ANO3: variants seen among roughly 807,000 people sequenced by gnomAD.
ANO3 encodes the protein anoctamin-3.
A neutral mutation model predicts 144.8 loss-of-function variants in ANO3; 99 were observed. The ratio of observed to expected loss-of-function variants is 0.68; its 90% CI spans 0.58 to 0.81. ANO3 has a LOEUF of 0.81. Among genes scored for constraint, ANO3 ranks in the 30% least tolerant of loss-of-function variants. ANO3 has a pLI of 0.00. For missense variants in ANO3, 905 were observed against 1,202.2 expected (o/e 0.75, Z 3.66); for synonymous variants, 414 against 392.6 (o/e 1.05, Z -0.64).
At chr11:26,247,253 A>G (rs1280979552) in intron 1 of ANO3, among the ~76,000 whole-genome samples, 4 of 152,144 alleles carry the variant, frequency 2.6e-5, no homozygotes, top group African/African-American at 2.4e-5. Context: ...TATTTTTTAT[A>G]TACTGTATTA....
intron 17 of ANO3, among the ~76,000 whole-genome samples, chr11:26,616,161 CATTG>C: frequency 6.6e-6 from 1 of 151,974 alleles, no homozygotes; most frequent in East Asian, 1.9e-4. Flanking sequence ...AAAATCAGTA[CATTG>C]ATATTATAAA....
intron 4 of ANO3, among the ~76,000 whole-genome samples, chr11:26,465,535 T>C (rs1228713966): frequency 1.3e-5 from 2 of 151,834 alleles, no homozygotes; most frequent in Non-Finnish European, 2.9e-5. Context: ...AAGTAACTCC[T>C]AATACAAACT....
At chr11:26,220,405 G>T (rs1852118630) in intron 1 of ANO3, among the ~76,000 whole-genome samples, 1 of 152,152 alleles carries the variant, frequency 6.6e-6, no homozygotes, top group Non-Finnish European at 1.5e-5. Flanking sequence ...CACTCACGAG[G>T]CCTTACTGTC....
At chr11:26,604,721 T>G (rs112690723) in intron 17 of ANO3, among the ~76,000 whole-genome samples, 485 of 152,184 alleles carry the variant, frequency 3.2e-3, no homozygotes, top group African/African-American at 0.011. Flanking sequence ...GCTTGTCTAT[T>G]GATGGTATGT....
chr11:26,575,785 C>A (rs1316774593), intron 14 of ANO3, among the ~76,000 whole-genome samples: 3 of 152,176 alleles, frequency 2.0e-5, no homozygotes, highest in African/African-American at 7.2e-5. Flanking sequence ...GCTAATAGTA[C>A]TTGAAGCTGT....
At chr11:26,260,029 A>C in intron 1 of ANO3, among the ~76,000 whole-genome samples, 1 of 148,362 alleles carries the variant, frequency 6.7e-6, no homozygotes. Flanking sequence ...CCATGAAGGG[A>C]TTTAAAATTT....
chr11:26,614,648 G>A (rs774747354), intron 17 of ANO3, among the ~76,000 whole-genome samples: 8 of 152,162 alleles, frequency 5.3e-5, no homozygotes, highest in Non-Finnish European at 7.3e-5. Context: ...GGGATTAGGG[G>A]CTGTCCTGTA....
chr11:26,272,149 G>A (rs1373879423), intron 1 of ANO3, among the ~76,000 whole-genome samples: 1 of 151,752 alleles, frequency 6.6e-6, no homozygotes, highest in African/African-American at 2.4e-5. Flanking sequence ...TTCTTGCATC[G>A]CTTTCATCAT....
At chr11:26,555,125 T>C (rs1007081735) in intron 13 of ANO3, among the ~76,000 whole-genome samples, 2 of 152,206 alleles carry the variant, frequency 1.3e-5, no homozygotes, top group African/African-American at 4.8e-5. Flanking sequence ...CGTTTATACT[T>C]TAATTTCAGA....
At chr11:26,246,578 T>C (rs1362563697) in intron 1 of ANO3, among the ~76,000 whole-genome samples, 55 of 149,584 alleles carry the variant, frequency 3.7e-4, no homozygotes, top group African/African-American at 1.3e-3. Context: ...TTTTGAATTT[T>C]TCATAATAAT....
chr11:26,485,304 G>A (rs7118652), intron 4 of ANO3, among the ~76,000 whole-genome samples: 148,212 of 152,168 alleles, frequency 0.97, 72,279 homozygotes, highest in East Asian at 1. Context: ...GGAATGGATC[G>A]TGGGGCAGAC....
intron 1 of ANO3, among the ~76,000 whole-genome samples, chr11:26,334,264 G>T (rs1855136502): frequency 6.6e-6 from 1 of 152,230 alleles, no homozygotes; most frequent in South Asian, 2.1e-4. Context: ...AAGGAAGCAA[G>T]ATTCATTTTA....
Position 26,639,195 on chromosome 11 carries a change from A to G in ANO3, c.2095A>G (p.Met699Val). 6.2e-7 allele frequency: 1 copy of G among 1,613,668 alleles called. No individual in the cohort carries two copies. Among genetic ancestry groups the G allele is most frequent in the East Asian group, 2.2e-5 (1 of 44,860 alleles). Residue 699 changes from methionine (M) to valine (V), a missense_variant, in exon 21 of 27, where the codon ATG (methionine) becomes GTG (valine). Met to Val is a conservative substitution (Grantham distance 21, BLOSUM62 1). Around this residue, in one of 4 missense-constraint regions of ANO3, gnomAD observed 597 missense variants for 865.1 expected, o/e 0.69. Coordinates refer to ENST00000256737, the MANE Select transcript of ANO3 (RefSeq NM_031418.4). ...IDLCLQMGVI[M>V]FLKQIWNNFM... ...CCTCTGCCTCCAGATGGGTGTCATCATGTTTTTGAAGCAAATATGGAACAA... is the reference window on the plus strand; with the variant it reads ...CCTCTGCCTCCAGATGGGTGTCATCGTGTTTTTGAAGCAAATATGGAACAA...
chr11:26,238,935 A>T (rs1242954717), intron 1 of ANO3, among the ~76,000 whole-genome samples: 1 of 151,614 alleles, frequency 6.6e-6, no homozygotes, highest in African/African-American at 2.4e-5. Context: ...CTAGCTAGAG[A>T]TAATTTCTTT....
At chr11:26,462,129 T>C (rs1859417722) in intron 3 of ANO3, among the ~76,000 whole-genome samples, 1 of 152,094 alleles carries the variant, frequency 6.6e-6, no homozygotes, top group Admixed American at 6.5e-5. Flanking sequence ...ATAAACAAAA[T>C]TGTTTTTCCT....
At chr11:26,561,256 C>T (rs375711095) in intron 14 of ANO3, 84 of 1,511,194 alleles carry the variant, frequency 5.6e-5, no homozygotes, top group Admixed American at 8.3e-5. Context: ...TACTGTTTCA[C>T]AGTGATACTC....
intron 1 of ANO3, among the ~76,000 whole-genome samples, chr11:26,240,372 C>T (rs1852637171): frequency 6.6e-6 from 1 of 152,096 alleles, no homozygotes; most frequent in African/African-American, 2.4e-5. Flanking sequence ...CCAGTGTTTC[C>T]TCTGATGGCA....
At chr11:26,438,045 A>G (rs1196019431) in intron 1 of ANO3, among the ~76,000 whole-genome samples, 1 of 103,366 alleles carries the variant, frequency 9.7e-6, no homozygotes, top group Non-Finnish European at 2.1e-5. Flanking sequence ...GAACAAAAAA[A>G]TAATAAACTG....
intron 1 of ANO3, among the ~76,000 whole-genome samples, chr11:26,294,876 TTTC>T (rs200736078): frequency 0.013 from 2,029 of 152,226 alleles, 34 homozygotes; most frequent in African/African-American, 0.047. Context: ...TTTCCTTTTT[TTTC>T]TTCTTTTTTT....
Sources: allele counts gnomAD v4.1 joint callset (sites outside exome capture counted in the v4.1 genomes callset), GRCh38; gene constraint gnomAD v4.1.1; regional missense constraint gnomAD v4.1.1; transcripts MANE v1.5; gene names NCBI Gene and HGNC (gene_info 2026-07-23, HGNC 2026-07-21).